Variants in PHF3 observed in about 807,000 individuals in gnomAD.
The protein encoded by PHF3 is PHD finger protein 3.
A neutral mutation model predicts 178.4 loss-of-function variants in PHF3; 41 were observed. The ratio of observed to expected loss-of-function variants is 0.23; its 90% CI spans 0.18 to 0.30. PHF3 has a LOEUF of 0.30. Ranked by LOEUF, PHF3 falls within the 10% of genes least tolerant of loss-of-function variation. The probability of loss-of-function intolerance (pLI) is 1.00; values close to 1 mark genes in which losing one functional copy is unlikely to be tolerated. For synonymous variants in PHF3, 842 were observed against 800.5 expected (o/e 1.05, Z -0.88); for missense variants, 2,346 against 2,398.1 (o/e 0.98, Z 0.45).
intron 4 of PHF3, among the ~76,000 whole-genome samples, chr6:63,687,817 A>G (rs1766781105): frequency 1.3e-5 from 2 of 152,118 alleles, no homozygotes; most frequent in South Asian, 4.1e-4. Flanking sequence ...CACCTTTTGG[A>G]TCTACTGTAT....
intron 1 of PHF3, among the ~76,000 whole-genome samples, chr6:63,646,193 A>G (rs1030215837): frequency 2.0e-5 from 3 of 152,266 alleles, no homozygotes; most frequent in African/African-American, 4.8e-5. Context: ...AATAGTTTTT[A>G]TGCTTTAAGC....
At chr6:63,699,112 T>C (rs1767362701) in intron 8 of PHF3, among the ~76,000 whole-genome samples, 1 of 152,180 alleles carries the variant, frequency 6.6e-6, no homozygotes, top group South Asian at 2.1e-4. Flanking sequence ...GTAGAGTAAA[T>C]GTTAATTAAA....
intron 2 of PHF3, among the ~76,000 whole-genome samples, chr6:63,659,551 T>C (rs1001217997): frequency 1.3e-4 from 20 of 152,348 alleles, no homozygotes; most frequent in Middle Eastern, 3.4e-3. Context: ...CTTTGCTAGC[T>C]CTATCTTACT....
In PHF3 at chr6:63,711,793, T is replaced by A; in HGVS notation, c.4205T>A (p.Phe1402Tyr). ...GAAGAAAATGACTTTTTTAATTCTT[T>A]TACAACTGTATTACACAAGCAGAGA... ...PEEENDFFNS[F>Y]TTVLHKQRNK... The change falls in exon 16 of 16, where the codon TTT becomes TAT. Residue 1402 changes from phenylalanine (F) to tyrosine (Y), a missense_variant. Physicochemically the swap from Phe to Tyr is conservative, Grantham distance 22. Around this residue, in one of 8 missense-constraint regions of PHF3, gnomAD observed 839 missense variants for 806.9 expected, o/e 1.04. Coordinates refer to ENST00000262043, the MANE Select transcript of PHF3 (RefSeq NM_001370348.2). 1 of 1,613,426 alleles carries A rather than the reference T, an allele frequency of 6.2e-7. No homozygotes were observed. Among genetic ancestry groups the A allele is most frequent in the Non-Finnish European group, 8.5e-7 (1 of 1,179,790 alleles).
Position 63,712,243 on chromosome 6 carries a change from C to T in PHF3, c.4655C>T (p.Ala1552Val), listed in dbSNP as rs149914641. 12 of 1,613,852 alleles carry T rather than the reference C, an allele frequency of 7.4e-6. No individual in the cohort carries two copies. In the African/African-American group the frequency reaches 1.6e-4, roughly 22 times the overall value. ...GTAGTAGGGTCCTCTTCCATTTCTG[C>T]AGGGTCTTTGACGAGTCTTAGTCTC... ...TSVVGSSSISAGSLTSLSLRG... is the reference protein window; with the variant it reads ...TSVVGSSSISVGSLTSLSLRG... Residue 1552 changes from alanine to valine, a missense_variant, in exon 16 of 16, where the codon GCA (alanine) becomes GTA (valine). By Grantham distance (64) the Ala-to-Val change is moderately conservative. Transcript: ENST00000262043.
At chr6:63,644,449 G>T (rs1033017810) in intron 1 of PHF3, among the ~76,000 whole-genome samples, 1 of 151,878 alleles carries the variant, frequency 6.6e-6, no homozygotes, top group Admixed American at 6.6e-5. Flanking sequence ...TATGATAATC[G>T]AGACTTTCTT....
At chr6:63,698,683 TC>T in intron 8 of PHF3, 78 bp downstream of exon 8, 1 of 986,078 alleles carries the variant, frequency 1.0e-6, no homozygotes, top group Non-Finnish European at 1.5e-6. Flanking sequence ...ATACAGTAGA[TC>T]TATAATTTAT....
At chr6:63,699,878 G>A (rs948922113) in intron 8 of PHF3, among the ~76,000 whole-genome samples, 39 of 152,026 alleles carry the variant, frequency 2.6e-4, no homozygotes, top group Admixed American at 2.3e-3. Context: ...CGTGAGCTGC[G>A]GCACCCGGCC....
rs1582075158 is a variant in PHF3, at chr6:63,685,366, A to T, written c.1644A>T (p.Arg548Ser). The T allele has an allele frequency of 1.9e-6, 3 of 1,614,038 alleles. No homozygotes were observed. The South Asian group carries it at 3.3e-5, about 18-fold the overall frequency. Reference sequence around the variant, plus strand: ...ATTTTCATAGGCCAGTCAAAGTCAGAAAAAAACAAATTGATAAGGAGCCAA... The same window carrying T: ...ATTTTCATAGGCCAGTCAAAGTCAGTAAAAAACAAATTGATAAGGAGCCAA... ...QQNFHRPVKV[R>S]KKQIDKEPKI... Residue 548 changes from arginine to serine, a missense_variant, in exon 4 of 16, where the codon AGA becomes AGT. Coordinates refer to ENST00000262043, the MANE Select transcript of PHF3 (RefSeq NM_001370348.2).
chr6:63,709,187 T>C lies in PHF3; in HGVS notation c.3748T>C (p.Ser1250Pro). 6.2e-7 allele frequency: 1 copy of C among 1,611,584 alleles called. No homozygotes were observed. Among genetic ancestry groups the C allele is most frequent in the East Asian group, 2.2e-5 (1 of 44,798 alleles). Reference sequence around the variant, plus strand: ...TAGTATTCAAGTAGGTGGCAGGATATCACCTCAGACAGTTTGGGATTATGT... The same window carrying C: ...TAGTATTCAAGTAGGTGGCAGGATACCACCTCAGACAGTTTGGGATTATGT... Reference protein sequence around the residue: ...PDSIQVGGRISPQTVWDYVEK... With the variant: ...PDSIQVGGRIPPQTVWDYVEK... The change falls in exon 14 of 16, where the codon TCA (serine) becomes CCA (proline). Residue 1250 changes from serine (S) to proline (P), a missense_variant. By Grantham distance (74) the Ser-to-Pro change is moderately conservative. Coordinates refer to ENST00000262043, the MANE Select transcript of PHF3 (RefSeq NM_001370348.2).
chr6:63,675,442 T>C (rs777456907), intron 2 of PHF3, among the ~76,000 whole-genome samples: 1 of 152,172 alleles, frequency 6.6e-6, no homozygotes, highest in Non-Finnish European at 1.5e-5. Flanking sequence ...GAATGGCACC[T>C]AGTACCTAGT....
At chr6:63,682,327 A>G (rs116400422) in intron 3 of PHF3, among the ~76,000 whole-genome samples, 3,260 of 152,166 alleles carry the variant, frequency 0.021, 45 homozygotes, top group South Asian at 0.036. Flanking sequence ...AAGACTTTTG[A>G]GGTGTTAATG....
At chr6:63,647,108 A>G (rs1190026592) in intron 2 of PHF3, among the ~76,000 whole-genome samples, 2 of 151,970 alleles carry the variant, frequency 1.3e-5, no homozygotes, top group Non-Finnish European at 2.9e-5. Context: ...TAATTACATC[A>G]TGACAACAGG....
chr6:63,655,831 T>C (rs1261663344), intron 2 of PHF3, among the ~76,000 whole-genome samples: 1 of 152,136 alleles, frequency 6.6e-6, no homozygotes, highest in Admixed American at 6.5e-5. Flanking sequence ...GTTGCAGTGT[T>C]GGGGTTTTGC....
In PHF3 at chr6:63,719,660, A is replaced by G. The variant is rs1314997919; in HGVS notation, c.*5952A>G. Among the ~76,000 whole-genome samples the G allele has an allele frequency of 3.3e-5, 5 of 152,120 alleles. No homozygotes were observed. In the East Asian group the frequency reaches 9.6e-4, roughly 29 times the overall value. ...ATGCTATCAACAGTACTAAATTGTT[A>G]GGATAGTAATTTTCCATGGCATTGT... On this transcript the variant is annotated 3_prime_UTR_variant, in exon 16 of 16. Coordinates refer to ENST00000262043, the MANE Select transcript of PHF3 (RefSeq NM_001370348.2).
intron 2 of PHF3, among the ~76,000 whole-genome samples, chr6:63,674,785 G>C (rs531532193): frequency 8.5e-5 from 13 of 152,194 alleles, no homozygotes; most frequent in Admixed American, 5.2e-4. Flanking sequence ...TGCCAACTTT[G>C]TAATAGAGGA....
intron 4 of PHF3, among the ~76,000 whole-genome samples, chr6:63,689,112 T>A (rs1766880436): frequency 6.6e-6 from 1 of 152,342 alleles, no homozygotes; most frequent in East Asian, 1.9e-4. Flanking sequence ...TATTGCTTCC[T>A]TTTATTTTCC....
At position 63,711,923 on chromosome 6, in the gene PHF3, C is replaced by A. The variant is rs368168240; in HGVS notation, c.4335C>A (p.Gly1445=). 4 of 1,613,796 alleles carry A rather than the reference C, an allele frequency of 2.5e-6. No homozygotes were observed. In the African/African-American group the frequency reaches 5.3e-5, roughly 22 times the overall value. ...EPPKPLRFLP[G]VLIGWENQPT... ...CAAAACCTTTAAGATTTCTTCCTGGCGTGTTGATTGGCTGGGAGAATCAAC... is the reference window on the plus strand; with the variant it reads ...CAAAACCTTTAAGATTTCTTCCTGGAGTGTTGATTGGCTGGGAGAATCAAC... The change falls in exon 16 of 16, where the codon GGC becomes GGA. Residue 1445 remains glycine, a synonymous_variant. Transcript: ENST00000262043.
chr6:63,709,886 A>G (rs566319200), intron 14 of PHF3, among the ~76,000 whole-genome samples: 1 of 152,204 alleles, frequency 6.6e-6, no homozygotes, highest in African/African-American at 2.4e-5. Context: ...TCACAATAAT[A>G]TTTCTCCTTT....
Sources: gnomAD v4.1 joint callset for allele counts (sites outside exome capture counted in the v4.1 genomes callset) on GRCh38, gnomAD v4.1.1 for gene constraint, gnomAD v4.1.1 regional missense constraint, MANE v1.5 for transcripts, NCBI Gene and HGNC (gene_info 2026-07-23, HGNC 2026-07-21) for gene names.